Variants in WDFY4 observed in about 807,000 individuals in gnomAD.
The protein encoded by WDFY4 is WD repeat- and FYVE domain-containing protein 4.
A neutral mutation model predicts 351.9 loss-of-function variants in WDFY4; 169 were observed. The ratio of observed to expected loss-of-function variants is 0.48; its 90% CI spans 0.42 to 0.55. The LOEUF is 0.55. Among genes scored for constraint, WDFY4 ranks in the 20% least tolerant of loss-of-function variants. WDFY4 has a pLI of 0.00. For synonymous variants in WDFY4, 1,622 were observed against 1,574.6 expected, an observed-to-expected ratio of 1.03 and a Z score of -0.71; for missense variants, 3,803 against 3,935.6, an observed-to-expected ratio of 0.97 and a Z score of 0.90.
In WDFY4 at chr10:48,813,938, C is replaced by T. The variant is rs767078665; in HGVS notation, c.5215-19C>T. ...TGAGTAGCCGCAGGTCTGCTTACAG[C>T]TCCTGCCTCCTCTTCCAGGACAGCC... On this transcript the variant is annotated intron_variant, in intron 30 of 61. Transcript: ENST00000325239. 1.1e-5 allele frequency: 17 copies of T among 1,522,034 alleles called. No individual in the cohort carries two copies. In the African/African-American group the frequency reaches 1.5e-4, roughly 14 times the overall value. 94.3% of individuals were successfully genotyped at this position (1,522,034 alleles called of 1,614,324 possible).
chr10:48,837,769 C>G (rs536304316), intron 39 of WDFY4, among the ~76,000 whole-genome samples: 1 of 152,136 alleles, frequency 6.6e-6, no homozygotes, highest in Non-Finnish European at 1.5e-5. Flanking sequence ...GGGGTGGGAG[C>G]CTCTCTGGGC....
intron 1 of WDFY4, among the ~76,000 whole-genome samples, chr10:48,692,391 ACAAT>A (rs2063219937): frequency 6.6e-6 from 1 of 152,182 alleles, no homozygotes; most frequent in Non-Finnish European, 1.5e-5. Flanking sequence ...CGGGATCCTC[ACAAT>A]CACCACCCTG....
chr10:48,773,456 T>C (rs2065932327), intron 13 of WDFY4, among the ~76,000 whole-genome samples: 1 of 152,230 alleles, frequency 6.6e-6, no homozygotes, highest in East Asian at 1.9e-4. Flanking sequence ...TTATCCAGCC[T>C]GGGAAGGATA....
chr10:48,913,708 C>T (rs774069229), intron 47 of WDFY4: 2 of 1,612,572 alleles, frequency 1.2e-6, no homozygotes, highest in South Asian at 2.2e-5. Context: ...TCATGGAGCC[C>T]TACCTCGTGG....
intron 1 of WDFY4, among the ~76,000 whole-genome samples, chr10:48,685,916 T>G (rs1589380827): frequency 6.7e-6 from 1 of 150,072 alleles, no homozygotes; most frequent in Non-Finnish European, 1.5e-5. Context: ...AGGGTGGGGG[T>G]CTTGGGAGGG....
chr10:48,746,513 T>C (rs946208257), intron 12 of WDFY4, among the ~76,000 whole-genome samples: 1 of 152,314 alleles, frequency 6.6e-6, no homozygotes, highest in Non-Finnish European at 1.5e-5. Flanking sequence ...TTTTTCAATC[T>C]AGTGTGGTAT....
intron 43 of WDFY4, among the ~76,000 whole-genome samples, chr10:48,887,651 T>C (rs1360574570): frequency 1.3e-5 from 2 of 151,920 alleles, no homozygotes; most frequent in Admixed American, 1.3e-4. Flanking sequence ...TGGTGGTGGG[T>C]GCCTGTAGTC....
In WDFY4 at chr10:48,978,454, C is replaced by T. The variant is rs1842671165; in HGVS notation, c.9376+61C>T. The stretch of plus-strand genomic sequence containing the variant: ...TTGCCCTGCCCTCCTCACCTCCCCT[C>T]TCTCCACCTCAGCCCAAGGGCTGCA... On this transcript the variant is annotated intron_variant, in intron 60 of 61. Transcript: ENST00000325239. 7 of 1,449,860 alleles carry T rather than the reference C, an allele frequency of 4.8e-6. No homozygotes were observed. In the South Asian group the frequency reaches 5.3e-5, roughly 11 times the overall value. The allele number at this position is 1,449,860 out of a possible 1,614,324, so 89.8% of individuals were successfully genotyped here.
chr10:48,969,396 C>A, intron 56 of WDFY4, 148 bp downstream of exon 56: 1 of 1,039,808 alleles, frequency 9.6e-7, no homozygotes, highest in Non-Finnish European at 1.4e-6. Flanking sequence ...GGAAAGGACT[C>A]AGTGACCATG....
chr10:48,725,789 A>G, intron 5 of WDFY4, 92 bp from the exon 6 acceptor site: 1 of 1,269,440 alleles, frequency 7.9e-7, no homozygotes, highest in South Asian at 1.4e-5. Context: ...AGACATGCTC[A>G]TCAGTGCTCC....
At chr10:48,766,471 T>A (rs1384689079) in intron 13 of WDFY4, among the ~76,000 whole-genome samples, 1 of 152,122 alleles carries the variant, frequency 6.6e-6, no homozygotes, top group Non-Finnish European at 1.5e-5. Context: ...GCACCTGTAG[T>A]CCCAGCTACT....
At chr10:48,778,516 C>A (rs2066111609) in intron 17 of WDFY4, 95 bp from the exon 18 acceptor site, 1 of 1,261,878 alleles carries the variant, frequency 7.9e-7, no homozygotes, top group Non-Finnish European at 1.1e-6. Flanking sequence ...CCAGTAGGTG[C>A]TGCACCTGGG....
In WDFY4 at chr10:48,975,992, C is replaced by T. The variant is rs181659514; in HGVS notation, c.9109-805C>T. 1.9e-3 allele frequency among the ~76,000 whole-genome samples: 283 copies of T among 152,302 alleles called. 1 individual carries two copies. Among genetic ancestry groups the T allele is most frequent in the Admixed American group, 3.7e-3 (56 of 15,296 alleles). ...ACCCATCAGGAATTGTGTCCCTAGA[C>T]CCCAGAGAAGCCTGGCACCAGGACA... On this transcript the variant is annotated intron_variant, in intron 58 of 61. Coordinates refer to ENST00000325239, the MANE Select transcript of WDFY4 (RefSeq NM_001394531.1).
chr10:48,936,306 T>C (rs1468094224), intron 47 of WDFY4, among the ~76,000 whole-genome samples: 2 of 152,090 alleles, frequency 1.3e-5, no homozygotes, highest in African/African-American at 4.8e-5. Context: ...TAATTTAATG[T>C]AGACAGCAAA....
intron 17 of WDFY4, 87 bp from the exon 18 acceptor site, chr10:48,778,524 G>A: frequency 1.5e-6 from 2 of 1,348,590 alleles, no homozygotes; most frequent in South Asian, 1.3e-5. Flanking sequence ...TGCTGCACCT[G>A]GGCTAAATCA....
chr10:48,779,841 C>A, intron 18 of WDFY4, 100 bp from the exon 19 acceptor site: 2 of 1,337,428 alleles, frequency 1.5e-6, no homozygotes, highest in African/African-American at 1.5e-5. Flanking sequence ...CTCCATGGTA[C>A]AAGGCCCAGT....
intron 39 of WDFY4, among the ~76,000 whole-genome samples, chr10:48,839,456 GA>G (rs1286432501): frequency 6.6e-6 from 1 of 152,200 alleles, no homozygotes; most frequent in Non-Finnish European, 1.5e-5. Context: ...TTAAGAGAGG[GA>G]TTTGGAGGTA....
At chr10:48,769,937 C>T (rs764713086) in intron 13 of WDFY4, among the ~76,000 whole-genome samples, 1 of 152,214 alleles carries the variant, frequency 6.6e-6, no homozygotes, top group African/African-American at 2.4e-5. Flanking sequence ...ACCTGGTGAC[C>T]CTGTGCTCTT....
chr10:48,982,138 G>A (rs746840188), intron 61 of WDFY4, among the ~76,000 whole-genome samples: 21 of 152,322 alleles, frequency 1.4e-4, no homozygotes, highest in Non-Finnish European at 3.1e-4. Context: ...GGGCATGATG[G>A]TAGGGCCAGA....
Sources: allele counts gnomAD v4.1 joint callset (sites outside exome capture counted in the v4.1 genomes callset), GRCh38; gene constraint gnomAD v4.1.1; transcripts MANE v1.5; gene names NCBI Gene and HGNC (gene_info 2026-07-23, HGNC 2026-07-21).